SYNE2: variants seen among roughly 807,000 people sequenced by gnomAD.
SYNE2 encodes the protein nesprin-2.
Under a neutral mutation model 856.3 loss-of-function variants are expected in SYNE2, and 431 were observed. The observed-to-expected ratio is 0.50, with a 90% CI of 0.47 to 0.55. The LOEUF (loss-of-function observed/expected upper bound fraction) is 0.55. Among genes scored for constraint, SYNE2 ranks in the 20% least tolerant of loss-of-function variants. The pLI, the probability that SYNE2 is intolerant of heterozygous loss-of-function variation, is 0.00. For synonymous variants in SYNE2, 2,923 were observed against 2,872.3 expected (o/e 1.02, Z -0.56); for missense variants, 8,129 against 8,023.2 (o/e 1.01, Z -0.50).
At chr14:64,021,222 G>T (rs2096933601) in intron 35 of SYNE2, 93 bp from the exon 36 acceptor site, 3 of 946,346 alleles carry the variant, frequency 3.2e-6, no homozygotes, top group Non-Finnish European at 5.1e-6. Context: ...ACATTGAAAT[G>T]AAGTAATCTC....
chr14:63,941,819 T>A (rs370462416), intron 4 of SYNE2, 29 bp downstream of exon 4: 2 of 1,612,576 alleles, frequency 1.2e-6, no homozygotes, highest in African/African-American at 1.3e-5. Flanking sequence ...ACTGAGAAAC[T>A]TTCTGTTGAC....
chr14:63,819,014 A>G (rs1039182479), intron 1 of SYNE2, among the ~76,000 whole-genome samples: 2 of 151,242 alleles, frequency 1.3e-5, no homozygotes, highest in East Asian at 2.0e-4. Context: ...TTTTTTTTCA[A>G]TATTGTACTA....
At chr14:63,867,463 C>G (rs931192346) in intron 1 of SYNE2, among the ~76,000 whole-genome samples, 12 of 149,328 alleles carry the variant, frequency 8.0e-5, no homozygotes, top group Non-Finnish European at 1.8e-4. Flanking sequence ...TTTGGGAGGC[C>G]GAGGCAGCTG....
Position 64,193,969 on chromosome 14 carries a change from C to T in SYNE2, c.18038+3732C>T, listed in dbSNP as rs570213392. On this transcript the variant is annotated intron_variant, in intron 99 of 115. Coordinates refer to ENST00000555002, the MANE Select transcript of SYNE2 (RefSeq NM_182914.3). ...ATTCTGCCCGGGACAGGAATGTGCA[C>T]ATAAGATTACTTGGGCCCTGGTGTG... is the stretch of plus-strand genomic sequence containing the variant. 1.0e-3 allele frequency among the ~76,000 whole-genome samples: 156 copies of T among 152,342 alleles called. 1 individual carries two copies. In the South Asian group the frequency reaches 0.031, roughly 30 times the overall value.
In SYNE2 at chr14:64,159,443, G is replaced by T. The variant is rs1296966896; in HGVS notation, c.16094+1G>T. On this transcript the variant is annotated splice_donor_variant, in intron 87 of 115. Coordinates refer to ENST00000555002, the MANE Select transcript of SYNE2 (RefSeq NM_182914.3). LOFTEE classifies it high-confidence loss of function. ...AGAAATGCCAAAATACTCATAAAAGGTATGCTTTCAGATATAATTTGAATG... is the reference window on the plus strand; with the variant it reads ...AGAAATGCCAAAATACTCATAAAAGTTATGCTTTCAGATATAATTTGAATG... The T allele has an allele frequency of 1.2e-6, 2 of 1,613,398 alleles. No individual in the cohort carries two copies. The highest frequency in any genetic ancestry group is 1.7e-6 in the Non-Finnish European group (2 of 1,179,626).
intron 85 of SYNE2, among the ~76,000 whole-genome samples, chr14:64,157,133 T>G (rs1352441875): frequency 6.6e-6 from 1 of 152,206 alleles, no homozygotes; most frequent in African/African-American, 2.4e-5. Flanking sequence ...CCTTCTAAGG[T>G]ATAGTTCAGT....
intron 57 of SYNE2, among the ~76,000 whole-genome samples, chr14:64,083,464 C>G (rs1004295368): frequency 6.6e-6 from 1 of 151,122 alleles, no homozygotes; most frequent in Non-Finnish European, 1.5e-5. Flanking sequence ...TTGCTACCTT[C>G]TACTGATACA....
intron 1 of SYNE2, among the ~76,000 whole-genome samples, chr14:63,865,722 C>CG (rs1486940870): frequency 4.5e-5 from 5 of 112,190 alleles, no homozygotes; most frequent in African/African-American, 1.8e-4. Flanking sequence ...CCACCCCCCC[C>CG]CCAAAAAAAA....
rs1452458403 is a variant in SYNE2, at chr14:63,998,944, C to A, written c.3384C>A (p.His1128Gln). ...ATACATACAGAGATATTCTTGAACA[C>A]CACCTGCAAAACAACAAATTCAGGA... ...RYDTYRDILEHHLQNNKFRIT... is the reference protein window; with the variant it reads ...RYDTYRDILEQHLQNNKFRIT... The change falls in exon 27 of 116, where the codon CAC becomes CAA. Residue 1128 changes from histidine (H) to glutamine (Q), a missense_variant. Physicochemically the swap from His to Gln is conservative, Grantham distance 24. Coordinates refer to ENST00000555002, the MANE Select transcript of SYNE2 (RefSeq NM_182914.3). 1 of 1,614,100 alleles carries A rather than the reference C, an allele frequency of 6.2e-7. No homozygotes were observed. Among genetic ancestry groups the A allele is most frequent in the Admixed American group, 1.7e-5 (1 of 60,028 alleles).
chr14:64,163,645 G>C, intron 89 of SYNE2, 64 bp downstream of exon 89: 2 of 1,593,168 alleles, frequency 1.3e-6, no homozygotes, highest in Non-Finnish European at 1.7e-6. Flanking sequence ...TCAATCCCTT[G>C]TATCCTTTGA....
rs1435324474 is a variant in SYNE2 at position 64,220,511 on chromosome 14, A to G, written c.19935A>G (p.Gln6645=). ...SVNVSSKEFL[Q]TESPESTELQ... is the part of the protein sequence containing the mutation. ...ACGTGAGCAGCAAGGAATTTCTGCA[A>G]ACCGAGAGCCCCGAATCCACAGAGC... Residue 6645 remains glutamine, a synonymous_variant, in exon 111 of 116, where the codon CAA becomes CAG. Coordinates refer to ENST00000555002, the MANE Select transcript of SYNE2 (RefSeq NM_182914.3). The G allele has an allele frequency of 6.2e-7, 1 of 1,614,186 alleles. No individual in the cohort carries two copies. The highest frequency in any genetic ancestry group is 1.1e-5 in the South Asian group (1 of 91,078).
At chr14:64,175,444 C>A (rs2098430157) in intron 95 of SYNE2, among the ~76,000 whole-genome samples, 1 of 152,112 alleles carries the variant, frequency 6.6e-6, no homozygotes, top group Non-Finnish European at 1.5e-5. Context: ...GACAGAAACA[C>A]TTCATTTTTC....
chr14:63,974,380 A>G (rs1437434713), intron 11 of SYNE2, among the ~76,000 whole-genome samples: 1 of 152,102 alleles, frequency 6.6e-6, no homozygotes, highest in Admixed American at 6.6e-5. Context: ...ACATGGCAAG[A>G]GAGGAAGCGA....
intron 93 of SYNE2, among the ~76,000 whole-genome samples, chr14:64,169,833 A>G (rs547837941): frequency 6.6e-6 from 1 of 152,314 alleles, no homozygotes; most frequent in South Asian, 2.1e-4. Context: ...CATGCTCTTT[A>G]TTGCTAAAAT....
At chr14:64,021,570 A>G in intron 36 of SYNE2, 55 bp downstream of exon 36, 2 of 1,593,294 alleles carry the variant, frequency 1.3e-6, no homozygotes, top group South Asian at 1.1e-5. Flanking sequence ...CACTATTTGC[A>G]GTTGTCTTGA....
intron 39 of SYNE2, 137 bp from the exon 40 acceptor site, chr14:64,024,775 T>G (rs954900974): frequency 2.1e-6 from 2 of 968,978 alleles, no homozygotes; most frequent in African/African-American, 3.3e-5. Context: ...TTTTTTATAT[T>G]ACAAATTAAA....
Position 64,065,552 on chromosome 14 carries a change from G to T in SYNE2, c.10333G>T (p.Ala3445Ser), listed in dbSNP as rs2153592767. Reference sequence around the variant, plus strand: ...CATATGTTTGCTCAAGATTGTGTCGGCTCTGTGGGAGAAATGGCTGAGTTT... The same window carrying T: ...CATATGTTTGCTCAAGATTGTGTCGTCTCTGTGGGAGAAATGGCTGAGTTT... Reference protein sequence around the residue: ...DGICLLKIVSALWEKWLSLLE... With the variant: ...DGICLLKIVSSLWEKWLSLLE... The change falls in exon 51 of 116, where the codon GCT becomes TCT. Residue 3445 changes from alanine (A) to serine (S), a missense_variant. By Grantham distance (99) the Ala-to-Ser change is moderately conservative. This residue lies in a region of SYNE2 where 5,410 missense variants were observed against 5,284.8 expected (regional missense o/e 1.02). Coordinates refer to ENST00000555002, the MANE Select transcript of SYNE2 (RefSeq NM_182914.3). The T allele has an allele frequency of 2.5e-6, 4 of 1,614,158 alleles. No homozygotes were observed. In the South Asian group the frequency reaches 4.4e-5, roughly 18 times the overall value.
chr14:64,153,177 T>C (rs1364726868), intron 85 of SYNE2, among the ~76,000 whole-genome samples: 2 of 152,178 alleles, frequency 1.3e-5, no homozygotes, highest in Admixed American at 1.3e-4. Context: ...GAAGAAACAC[T>C]ACATGGTGTT....
In SYNE2 at chr14:64,178,763, T is replaced by G. The variant is rs563825239; in HGVS notation, c.17556+1280T>G. ...AGCCTGCTGTCAATGAGATGTAGAA[T>G]TGCTTTCTGTTTTTAAACGTTATAT... is the stretch of plus-strand genomic sequence containing the variant. On this transcript the variant is annotated intron_variant, in intron 96 of 115. Coordinates refer to ENST00000555002, the MANE Select transcript of SYNE2 (RefSeq NM_182914.3). Among the ~76,000 whole-genome samples the G allele has an allele frequency of 3.9e-5, 6 of 152,228 alleles. No homozygotes were observed. The South Asian group carries it at 1.2e-3, about 32-fold the overall frequency.
Sources: gnomAD v4.1 joint callset for allele counts (sites outside exome capture counted in the v4.1 genomes callset) on GRCh38, gnomAD v4.1.1 for gene constraint, gnomAD v4.1.1 regional missense constraint, MANE v1.5 for transcripts, NCBI Gene and HGNC (gene_info 2026-07-23, HGNC 2026-07-21) for gene names.